DGKB: variants seen among roughly 807,000 people sequenced by gnomAD.
The protein encoded by DGKB is diacylglycerol kinase beta.
A neutral mutation model predicts 114.3 loss-of-function variants in DGKB; 67 were observed. The observed-to-expected ratio is 0.59, with a 90% CI of 0.48 to 0.72. DGKB has a LOEUF of 0.72. Ranked by LOEUF, DGKB falls within the 30% of genes least tolerant of loss-of-function variation. DGKB has a pLI of 0.00. For missense variants in DGKB, 907 were observed against 975.2 expected, an observed-to-expected ratio of 0.93 and a Z score of 0.93; for synonymous variants, 398 against 323.1, an observed-to-expected ratio of 1.23 and a Z score of -2.49.
chr7:14,518,242 A>G (rs1247658837), intron 20 of DGKB, among the ~76,000 whole-genome samples: 1 of 152,162 alleles, frequency 6.6e-6, no homozygotes, highest in African/African-American at 2.4e-5. Context: ...GTTTTCACTT[A>G]TAAGTGGGAC....
chr7:14,280,236 G>A (rs1290512832), intron 23 of DGKB, among the ~76,000 whole-genome samples: 35 of 152,166 alleles, frequency 2.3e-4, no homozygotes, highest in African/African-American at 8.2e-4. Flanking sequence ...GAGCTGATGC[G>A]ATCAACTGGA....
At chr7:14,313,526 A>G (rs1263648621) in intron 23 of DGKB, among the ~76,000 whole-genome samples, 5 of 151,996 alleles carry the variant, frequency 3.3e-5, no homozygotes, top group Admixed American at 2.0e-4. Flanking sequence ...GGCACCTGGA[A>G]AATCGGGAAA....
intron 23 of DGKB, among the ~76,000 whole-genome samples, chr7:14,204,647 G>C (rs184124235): frequency 3.3e-5 from 5 of 152,122 alleles, no homozygotes; most frequent in African/African-American, 1.2e-4. Flanking sequence ...AAAGGTTCAA[G>C]TGCCTAGTCA....
intron 16 of DGKB, 80 bp from the exon 17 acceptor site, chr7:14,607,588 A>C: frequency 3.9e-6 from 2 of 518,536 alleles, no homozygotes; most frequent in South Asian, 6.2e-5. Context: ...AGTGTTATAA[A>C]ATATATATAG....
At chr7:14,632,556 C>T (rs945406147) in intron 13 of DGKB, among the ~76,000 whole-genome samples, 1 of 151,632 alleles carries the variant, frequency 6.6e-6, no homozygotes, top group Non-Finnish European at 1.5e-5. Flanking sequence ...TTCTTTCTAC[C>T]TCTTCATTAT....
At chr7:14,953,850 G>T (rs572382959) in intron 1 of DGKB, among the ~76,000 whole-genome samples, 1 of 152,200 alleles carries the variant, frequency 6.6e-6, no homozygotes, top group African/African-American at 2.4e-5. Context: ...CACAGCAAAG[G>T]CTAAGAAGTG....
intron 15 of DGKB, among the ~76,000 whole-genome samples, chr7:14,614,071 A>G (rs1208127084): frequency 1.3e-5 from 2 of 152,204 alleles, no homozygotes; most frequent in Admixed American, 1.3e-4. Context: ...ACTCGACTAT[A>G]CGTCATGTGC....
At chr7:14,890,002 T>C (rs1780936754) in intron 1 of DGKB, among the ~76,000 whole-genome samples, 2 of 151,616 alleles carry the variant, frequency 1.3e-5, no homozygotes, top group Admixed American at 6.6e-5. Context: ...AAAACATGTA[T>C]GCATTAAAAA....
rs568025426 is a variant in DGKB at position 14,568,726 on chromosome 7, T to A, written c.1770+5486A>T. On this transcript the variant is annotated intron_variant, in intron 20 of 25. Coordinates refer to ENST00000402815, the MANE Select transcript of DGKB (RefSeq NM_001350709.2). The stretch of plus-strand genomic sequence containing the variant: ...GAATAATACAAAGGGTCTATAACAA[T>A]GAATATGAAGGTGATATAGCTACAT... Among the ~76,000 whole-genome samples, 175 of 152,332 alleles carry A rather than the reference T, an allele frequency of 1.1e-3. 1 individual carries two copies. The highest frequency in any genetic ancestry group is 4.1e-3 in the African/African-American group (171 of 41,572).
chr7:14,848,166 T>C (rs1454727645), intron 1 of DGKB, among the ~76,000 whole-genome samples: 1 of 152,126 alleles, frequency 6.6e-6, no homozygotes, highest in Non-Finnish European at 1.5e-5. Context: ...TGTTCCAATA[T>C]TGTGTGAGAG....
At chr7:14,216,595 G>A (rs1305215805) in intron 23 of DGKB, among the ~76,000 whole-genome samples, 2 of 151,744 alleles carry the variant, frequency 1.3e-5, no homozygotes, top group East Asian at 1.9e-4. Context: ...GCATAGTGGT[G>A]GGTGCCTGTA....
chr7:14,929,868 G>C (rs925285410), intron 1 of DGKB, among the ~76,000 whole-genome samples: 4 of 152,132 alleles, frequency 2.6e-5, no homozygotes, highest in Non-Finnish European at 4.4e-5. Flanking sequence ...TTACGTTTAA[G>C]TCTTTAATCC....
intron 23 of DGKB, among the ~76,000 whole-genome samples, chr7:14,289,879 A>C (rs1801486121): frequency 4.6e-5 from 7 of 152,148 alleles, no homozygotes; most frequent in Admixed American, 4.6e-4. Context: ...CAAATCAAAT[A>C]TCATCATTAG....
intron 9 of DGKB, among the ~76,000 whole-genome samples, chr7:14,689,907 T>C (rs76895866): frequency 1.3e-5 from 2 of 152,148 alleles, no homozygotes; most frequent in Admixed American, 1.3e-4. Flanking sequence ...AAAAAATGTG[T>C]CTTAAACAAT....
At chr7:14,252,114 A>G (rs1016826764) in intron 23 of DGKB, among the ~76,000 whole-genome samples, 1 of 151,972 alleles carries the variant, frequency 6.6e-6, no homozygotes, top group African/African-American at 2.4e-5. Flanking sequence ...CTCATTCTGA[A>G]TCTTGTATAA....
intron 20 of DGKB, among the ~76,000 whole-genome samples, chr7:14,542,463 A>G (rs1793618713): frequency 6.6e-6 from 1 of 151,946 alleles, no homozygotes; most frequent in Non-Finnish European, 1.5e-5. Flanking sequence ...TCTTGTCCAG[A>G]AAACTCTCAC....
At chr7:14,921,089 C>A (rs2214616) in intron 1 of DGKB, among the ~76,000 whole-genome samples, 36,017 of 151,800 alleles carry the variant, frequency 0.24, 6,928 homozygotes, top group East Asian at 0.81. Context: ...GTTTTTCAAT[C>A]CTCACCTCCT....
intron 23 of DGKB, among the ~76,000 whole-genome samples, chr7:14,231,087 CTT>C (rs1405659810): frequency 5.7e-5 from 2 of 35,200 alleles, no homozygotes; most frequent in African/African-American, 2.6e-4. Context: ...CTTTCCCTTT[CTT>C]TCTTTCTTTC....
intron 13 of DGKB, among the ~76,000 whole-genome samples, chr7:14,664,822 G>C (rs2128931524): frequency 6.6e-6 from 1 of 151,912 alleles, no homozygotes; most frequent in South Asian, 2.1e-4. Flanking sequence ...TTGCAGGAAA[G>C]AAGACAACTG....
Sources: gnomAD v4.1 joint callset for allele counts (sites outside exome capture counted in the v4.1 genomes callset) on GRCh38, gnomAD v4.1.1 for gene constraint, MANE v1.5 for transcripts, NCBI Gene and HGNC (gene_info 2026-07-23, HGNC 2026-07-21) for gene names.